CLEC12A: variants seen among roughly 807,000 people sequenced by gnomAD.
The protein encoded by CLEC12A is C-type lectin protein CLL-1.
A neutral mutation model predicts 26.5 loss-of-function variants in CLEC12A; 22 were observed. The observed-to-expected ratio is 0.83, with a 90% CI of 0.59 to 1.19. CLEC12A has a LOEUF of 1.19. Among genes scored for constraint, CLEC12A ranks in the 50% most tolerant of loss-of-function variants. The pLI, the probability that CLEC12A is intolerant of heterozygous loss-of-function variation, is 0.00. For synonymous variants in CLEC12A, 119 were observed against 101.9 expected, an observed-to-expected ratio of 1.17 and a Z score of -1.01; for missense variants, 353 against 315.6, an observed-to-expected ratio of 1.12 and a Z score of -0.90.
Position 9,980,720 on chromosome 12 carries a change from A to G in CLEC12A, c.518A>G (p.Asn173Ser), listed in dbSNP as rs1169378821. 1.2e-6 allele frequency: 2 copies of G among 1,613,468 alleles called. No individual in the cohort carries two copies. The highest frequency in any genetic ancestry group is 1.7e-5 in the Admixed American group (1 of 59,898). Residue 173 changes from asparagine (N) to serine (S), a missense_variant, in exon 4 of 6, where the codon AAC becomes AGC. Transcript: ENST00000304361. Reference protein sequence around the residue: ...AQNASLLKINNKNALEFIKSQ... With the variant: ...AQNASLLKINSKNALEFIKSQ... ...AATGCCAGCCTGTTGAAGATAAACA[A>G]CAAAAATGCATTGGTAAAGCCCAGG...
exon 1 of CLEC12A, chr12:9,951,356 G>A: frequency 2.8e-6 from 2 of 703,016 alleles, no homozygotes; most frequent in Non-Finnish European, 5.2e-6. Context: ...CATGTGGATA[G>A]GTGAGTGTCT....
At chr12:9,997,223 G>A, downstream of CLEC12A, 1 of 1,613,796 alleles carries the variant, frequency 6.2e-7, no homozygotes, top group Non-Finnish European at 8.5e-7. Context: ...GCTAATTGTT[G>A]CAGAGTTCCT....
downstream of CLEC12A, among the ~76,000 whole-genome samples, chr12:10,000,678 C>T (rs1865148047): frequency 6.6e-6 from 1 of 152,186 alleles, no homozygotes. Flanking sequence ...ACCACTGCTT[C>T]TGTTCTCATA....
intron 1 of CLEC12A, among the ~76,000 whole-genome samples, chr12:9,962,653 G>A (rs1863855080): frequency 6.6e-6 from 1 of 152,144 alleles, no homozygotes; most frequent in African/African-American, 2.4e-5. Flanking sequence ...AAGGTGCTCA[G>A]TGGGGGAGCT....
intron 1 of CLEC12A, chr12:9,953,037 A>AG: frequency 7.6e-6 from 1 of 131,706 alleles, no homozygotes; most frequent in African/African-American, 3.2e-5. Context: ...CCATCTGGGA[A>AG]GTGAGGAGCG....
upstream of CLEC12A, among the ~76,000 whole-genome samples, chr12:9,968,917 A>T (rs1174067764): frequency 6.6e-6 from 1 of 152,220 alleles, no homozygotes; most frequent in Non-Finnish European, 1.5e-5. Flanking sequence ...TTATTTGGCC[A>T]TAGAAGGAAA....
At chr12:9,997,045 G>A (rs1865068563), downstream of CLEC12A, 1 of 1,610,110 alleles carries the variant, frequency 6.2e-7, no homozygotes, top group Non-Finnish European at 8.5e-7. Context: ...TCTAAATTGG[G>A]CTTACATTTT....
chr12:10,005,399 T>G, the CLEC12A span, among the ~76,000 whole-genome samples: 1 of 152,226 alleles, frequency 6.6e-6, no homozygotes, highest in Non-Finnish European at 1.5e-5. Flanking sequence ...TAAGCTTCAC[T>G]GTCAGTGCTT....
exon 5 of CLEC12A, chr12:9,995,295 T>C (rs779962237): frequency 5.4e-6 from 8 of 1,475,576 alleles, no homozygotes; most frequent in Non-Finnish European, 6.6e-6. Context: ...TCCACAGCTC[T>C]TGGTATGATA....
At chr12:9,983,614 A>G in intron 5 of CLEC12A, 1 of 639,604 alleles carries the variant, frequency 1.6e-6, no homozygotes, top group Non-Finnish European at 2.8e-6. Flanking sequence ...TTTAGTATAT[A>G]CTTTTAGCAG....
downstream of CLEC12A, chr12:9,997,123 G>A: frequency 6.2e-7 from 1 of 1,612,722 alleles, no homozygotes; most frequent in Non-Finnish European, 8.5e-7. Context: ...TGCTCCAGGG[G>A]TTGGAGAGAT....
At chr12:9,993,172 C>T (rs747805854) in intron 4 of CLEC12A, 6 of 1,611,730 alleles carry the variant, frequency 3.7e-6, no homozygotes, top group Non-Finnish European at 5.1e-6. Flanking sequence ...TTGGTCATGC[C>T]AGCCTTCCTC....
intron 1 of CLEC12A, chr12:9,953,150 G>C (rs1262927612): frequency 1.1e-5 from 1 of 88,480 alleles, no homozygotes; most frequent in Non-Finnish European, 2.2e-5. Context: ...TCAGCCCCCC[G>C]CCTGGCCAGC....
intron 4 of CLEC12A, among the ~76,000 whole-genome samples, chr12:9,981,411 A>G (rs1222016156): frequency 2.0e-5 from 3 of 152,188 alleles, no homozygotes; most frequent in African/African-American, 7.2e-5. Flanking sequence ...CTTTTCTAAA[A>G]TTCTCTGCTT....
chr12:9,962,257 T>C (rs1169045995), intron 1 of CLEC12A, among the ~76,000 whole-genome samples: 20 of 146,006 alleles, frequency 1.4e-4, no homozygotes, highest in African/African-American at 2.3e-4. Flanking sequence ...TTTTTTCTTT[T>C]TTTTTTTTTT....
intron 5 of CLEC12A, among the ~76,000 whole-genome samples, chr12:9,982,876 G>A (rs998566123): frequency 1.4e-4 from 21 of 152,052 alleles, no homozygotes; most frequent in African/African-American, 4.8e-4. Flanking sequence ...CCACTTAAGT[G>A]AGAATATGCA....
At chr12:9,999,170 T>G, downstream of CLEC12A, 1 of 946,434 alleles carries the variant, frequency 1.1e-6, no homozygotes, top group Non-Finnish European at 1.7e-6. Flanking sequence ...AACTTTACAA[T>G]TTCAGTATCT....
downstream of CLEC12A, chr12:9,999,223 T>G (rs1348623499): frequency 3.3e-6 from 2 of 605,220 alleles, no homozygotes; most frequent in African/African-American, 1.9e-5. Flanking sequence ...TAGAACCATG[T>G]GAGATGGGAC....
chr12:9,992,755 T>C, intron 4 of CLEC12A: 1 of 160,138 alleles, frequency 6.2e-6, no homozygotes, highest in East Asian at 1.8e-4. Context: ...CTTTCAAACT[T>C]AGATATTTTG....
Sources: allele counts gnomAD v4.1 joint callset (sites outside exome capture counted in the v4.1 genomes callset), GRCh38; gene constraint gnomAD v4.1.1; transcripts MANE v1.5; gene names NCBI Gene and HGNC (gene_info 2026-07-23, HGNC 2026-07-21).